Variants in MAP2K4 observed in about 807,000 individuals in gnomAD.
The protein encoded by MAP2K4 is dual specificity mitogen-activated protein kinase kinase 4.
Under a neutral mutation model 48.5 loss-of-function variants are expected in MAP2K4, and 4 were observed. The observed-to-expected ratio is 0.08, with a 90% CI of 0.04 to 0.19. The LOEUF (loss-of-function observed/expected upper bound fraction) is 0.19. Among genes scored for constraint, MAP2K4 ranks in the 10% least tolerant of loss-of-function variants. The pLI, the probability that MAP2K4 is intolerant of heterozygous loss-of-function variation, is 1.00. For missense variants in MAP2K4, 258 were observed against 493.3 expected (o/e 0.52, Z 4.52); for synonymous variants, 166 against 173.1 (o/e 0.96, Z 0.32).
At chr17:12,079,373 C>A (rs1328384723) in intron 2 of MAP2K4, among the ~76,000 whole-genome samples, 4 of 151,976 alleles carry the variant, frequency 2.6e-5, no homozygotes, top group Non-Finnish European at 5.9e-5. Context: ...AATGAAATAT[C>A]TTTCATTTCA....
chr17:12,109,066 G>T (rs968114202), intron 5 of MAP2K4, among the ~76,000 whole-genome samples: 1 of 151,918 alleles, frequency 6.6e-6, no homozygotes, highest in African/African-American at 2.4e-5. Flanking sequence ...AATCTTCATA[G>T]TAACTCTCTG....
intron 9 of MAP2K4, among the ~76,000 whole-genome samples, chr17:12,132,174 T>C (rs1198497222): frequency 1.4e-4 from 21 of 152,188 alleles, no homozygotes; most frequent in Non-Finnish European, 4.4e-5. Context: ...AAACAAGCAG[T>C]ATCCAGTATA....
At chr17:12,084,711 A>G (rs1345362883) in intron 3 of MAP2K4, among the ~76,000 whole-genome samples, 1 of 152,186 alleles carries the variant, frequency 6.6e-6, no homozygotes, top group Non-Finnish European at 1.5e-5. Flanking sequence ...TGGCAATACA[A>G]CACATCAATT....
intron 2 of MAP2K4, chr17:12,069,686 G>T: frequency 9.9e-7 from 1 of 1,009,626 alleles, no homozygotes; most frequent in Non-Finnish European, 1.2e-6. Context: ...TCATTTGTTG[G>T]TAGTGCCAGG....
intron 3 of MAP2K4, among the ~76,000 whole-genome samples, chr17:12,085,940 T>G (rs2151552570): frequency 6.6e-6 from 1 of 152,308 alleles, no homozygotes; most frequent in African/African-American, 2.4e-5. Context: ...AAAGTTCCAT[T>G]ACCAAATTAT....
At chr17:12,025,945 A>G (rs925577949) in intron 1 of MAP2K4, among the ~76,000 whole-genome samples, 11 of 151,306 alleles carry the variant, frequency 7.3e-5, no homozygotes, top group African/African-American at 2.7e-4. Flanking sequence ...CAGACAGTGA[A>G]GAGTTTCAAA....
intron 9 of MAP2K4, among the ~76,000 whole-genome samples, chr17:12,137,873 A>G (rs903721646): frequency 6.7e-6 from 1 of 149,760 alleles, no homozygotes; most frequent in African/African-American, 2.5e-5. Flanking sequence ...ATAAATGATA[A>G]ACAAAGGTAT....
intron 4 of MAP2K4, among the ~76,000 whole-genome samples, chr17:12,095,952 T>C (rs1971734306): frequency 6.6e-6 from 1 of 150,430 alleles, no homozygotes; most frequent in Non-Finnish European, 1.5e-5. Flanking sequence ...TGGCTGTCAT[T>C]TGTAAATCTC....
chr17:12,098,877 C>T (rs936282581), intron 4 of MAP2K4, among the ~76,000 whole-genome samples: 1 of 152,074 alleles, frequency 6.6e-6, no homozygotes, highest in Non-Finnish European at 1.5e-5. Flanking sequence ...CTCATTCTTG[C>T]AGCAACTATT....
chr17:12,026,169 A>G (rs1004950769), intron 1 of MAP2K4, among the ~76,000 whole-genome samples: 2 of 152,182 alleles, frequency 1.3e-5, no homozygotes, highest in African/African-American at 2.4e-5. Context: ...ATTTTCTCAC[A>G]TTTTCCTTTA....
chr17:12,087,297 C>T (rs1971400350), intron 3 of MAP2K4, among the ~76,000 whole-genome samples: 1 of 152,168 alleles, frequency 6.6e-6, no homozygotes, highest in African/African-American at 2.4e-5. Context: ...TGTTACCTCA[C>T]TTTATTGTCG....
chr17:12,111,773 A>G (rs1972313380), intron 6 of MAP2K4, among the ~76,000 whole-genome samples: 1 of 152,076 alleles, frequency 6.6e-6, no homozygotes, highest in African/African-American at 2.4e-5. Flanking sequence ...ACTCTCTTTA[A>G]ACTTCAGGGA....
intron 2 of MAP2K4, among the ~76,000 whole-genome samples, chr17:12,064,244 G>T (rs748567962): frequency 6.6e-6 from 1 of 151,894 alleles, no homozygotes; most frequent in South Asian, 2.1e-4. Flanking sequence ...CATCACACCC[G>T]ACTCATTTAA....
intron 2 of MAP2K4, among the ~76,000 whole-genome samples, chr17:12,071,717 AAAG>A (rs1445487841): frequency 6.6e-6 from 1 of 152,194 alleles, no homozygotes; most frequent in Non-Finnish European, 1.5e-5. Context: ...ATATGATTCA[AAAG>A]AAGTAGACTT....
intron 1 of MAP2K4, among the ~76,000 whole-genome samples, chr17:12,043,857 T>C (rs542645197): frequency 1.3e-5 from 2 of 152,224 alleles, no homozygotes; most frequent in Non-Finnish European, 2.9e-5. Flanking sequence ...GCATGATTGA[T>C]TGTATCATTG....
chr17:12,054,750 TG>T (rs1229139973), intron 1 of MAP2K4, 138 bp from the exon 2 acceptor site: 11 of 505,980 alleles, frequency 2.2e-5, no homozygotes, highest in Non-Finnish European at 4.0e-5. Flanking sequence ...AATTCCTCAT[TG>T]CCTTTCAAAA....
intron 1 of MAP2K4, among the ~76,000 whole-genome samples, chr17:12,036,849 A>G (rs1236931543): frequency 1.3e-5 from 2 of 151,552 alleles, no homozygotes; most frequent in African/African-American, 4.9e-5. Flanking sequence ...CTGATAATTT[A>G]TTTTTCACAC....
intron 2 of MAP2K4, chr17:12,069,797 T>C (rs1469545513): frequency 5.1e-6 from 4 of 786,834 alleles, no homozygotes; most frequent in Non-Finnish European, 7.2e-6. Context: ...GCAGTATTCA[T>C]CTAGAGATCG....
intron 3 of MAP2K4, among the ~76,000 whole-genome samples, chr17:12,091,121 G>C (rs1417258723): frequency 1.3e-5 from 2 of 152,142 alleles, no homozygotes; most frequent in Non-Finnish European, 2.9e-5. Flanking sequence ...CATTTACATT[G>C]TTCTTCAGTA....
Sources: allele counts gnomAD v4.1 joint callset (sites outside exome capture counted in the v4.1 genomes callset), GRCh38; gene constraint gnomAD v4.1.1; transcripts MANE v1.5; gene names NCBI Gene and HGNC (gene_info 2026-07-23, HGNC 2026-07-21).